TTC3: variants seen among roughly 807,000 people sequenced by gnomAD.
TTC3 encodes the protein tetratricopeptide repeat domain 3.
TTC3 carries 180 observed loss-of-function variants against 249.6 expected under a neutral mutation model. That is an observed-to-expected ratio of 0.72 (90% CI 0.64 to 0.82). The LOEUF (loss-of-function observed/expected upper bound fraction) is 0.82. Among genes scored for constraint, TTC3 ranks in the 40% least tolerant of loss-of-function variants. The pLI, the probability that TTC3 is intolerant of heterozygous loss-of-function variation, is 0.00. For missense variants in TTC3, 2,061 were observed against 2,398.4 expected (o/e 0.86, Z 2.94); for synonymous variants, 717 against 805.0 (o/e 0.89, Z 1.85).
chr21:37,189,373 G>A (rs2083713598), intron 39 of TTC3, among the ~76,000 whole-genome samples: 1 of 151,954 alleles, frequency 6.6e-6, no homozygotes, highest in African/African-American at 2.4e-5. Context: ...AGCCTCCCGA[G>A]TAGCTGGGAT....
intron 21 of TTC3, among the ~76,000 whole-genome samples, chr21:37,146,258 G>A (rs1453036178): frequency 2.6e-5 from 4 of 152,058 alleles, no homozygotes; most frequent in African/African-American, 9.7e-5. Context: ...GCCAGTCTTG[G>A]TGGCTTACGC....
chr21:37,097,313 C>G (rs551194943), intron 10 of TTC3, among the ~76,000 whole-genome samples: 1 of 152,026 alleles, frequency 6.6e-6, no homozygotes, highest in Non-Finnish European at 1.5e-5. Context: ...ATATATTGAG[C>G]ATTAATATTG....
At chr21:37,117,239 A>C (rs930544242) in intron 11 of TTC3, among the ~76,000 whole-genome samples, 1 of 152,138 alleles carries the variant, frequency 6.6e-6, no homozygotes, top group African/African-American at 2.4e-5. Context: ...CCCCAGGTGG[A>C]CTTCTGCATC....
intron 1 of TTC3, chr21:37,084,175 G>GA (rs1228273152): frequency 6.6e-6 from 1 of 152,152 alleles, no homozygotes; most frequent in Non-Finnish European, 1.5e-5. Flanking sequence ...AGAGTGAGAA[G>GA]AAAAGAGAGT....
intron 36 of TTC3, among the ~76,000 whole-genome samples, chr21:37,184,315 A>AT (rs925314185): frequency 1.3e-5 from 2 of 152,032 alleles, no homozygotes; most frequent in Admixed American, 1.3e-4. Context: ...ATGATAAGAA[A>AT]TTTTTTTTCT....
intron 20 of TTC3, among the ~76,000 whole-genome samples, chr21:37,143,248 G>T (rs2147971944): frequency 6.6e-6 from 1 of 152,184 alleles, no homozygotes; most frequent in Admixed American, 6.5e-5. Flanking sequence ...TGACAAATGG[G>T]ATCTAATTAA....
At chr21:37,165,098 G>A (rs2081128777) in intron 32 of TTC3, among the ~76,000 whole-genome samples, 1 of 152,118 alleles carries the variant, frequency 6.6e-6, no homozygotes, top group Non-Finnish European at 1.5e-5. Context: ...ATTTGCTTCA[G>A]GCATCCAAAA....
In TTC3 at chr21:37,121,679, A is replaced by G; in HGVS notation, c.901-138A>G. The G allele has an allele frequency of 7.7e-6, 6 of 782,724 alleles. No individual in the cohort carries two copies. In the Middle Eastern group the frequency reaches 1.2e-3, roughly 158 times the overall value. The allele number at this position is 782,724 out of a possible 1,614,324, so 48.5% of individuals were successfully genotyped here. A position where few individuals can be genotyped will look rare whatever the true frequency, so the allele number is the denominator to read the frequency against. On this transcript the variant is annotated intron_variant, in intron 11 of 45. Transcript: ENST00000355666. Reference sequence around the variant, plus strand: ...ATTTCCTGAGGTATTAACATTTTACATTTATTTTTCATTGGTAGGGACCTA... The same window carrying G: ...ATTTCCTGAGGTATTAACATTTTACGTTTATTTTTCATTGGTAGGGACCTA...
chr21:37,108,541 A>T, intron 11 of TTC3, 95 bp downstream of exon 11: 1 of 1,223,672 alleles, frequency 8.2e-7, no homozygotes, highest in Non-Finnish European at 1.2e-6. Context: ...AAAATGCTAT[A>T]TGAAATTACG....
At chr21:37,164,063 A>G (rs147467332) in exon 32 of TTC3, 1 of 1,601,526 alleles carries the variant, frequency 6.2e-7, no homozygotes, top group Admixed American at 1.8e-5. Flanking sequence ...ATCGAAATTC[A>G]GATTCTGCAG....
rs1454442967 is a variant in TTC3, at chr21:37,164,219, A to G, written c.3335+4A>G. The stretch of plus-strand genomic sequence containing the variant: ...AAAAATGTTCAACTCTATATGAGTA[A>G]GTGGGTTGAAATTTTTACAACCATT... On this transcript the variant is annotated splice_donor_region_variant and intron_variant, in intron 32 of 45. Coordinates refer to ENST00000355666, the Ensembl canonical transcript of TTC3. 5 of 1,566,724 alleles carry G rather than the reference A, an allele frequency of 3.2e-6. No homozygotes were observed. The highest frequency in any genetic ancestry group is 3.5e-6 in the Non-Finnish European group (4 of 1,156,626).
At chr21:37,118,649 T>A (rs1215822957) in intron 11 of TTC3, among the ~76,000 whole-genome samples, 1 of 152,110 alleles carries the variant, frequency 6.6e-6, no homozygotes, top group Admixed American at 6.6e-5. Context: ...AGTCTAGGGG[T>A]TAGCTTCAGG....
rs1228990598 is a variant in TTC3, at chr21:37,175,297, G to T, written c.4617+2553G>T. 9.2e-5 allele frequency among the ~76,000 whole-genome samples: 13 copies of T among 141,816 alleles called. No individual in the cohort carries two copies. The East Asian group carries it at 2.6e-3, about 28-fold the overall frequency. 93.0% of individuals were successfully genotyped at this position (141,816 alleles called of 152,430 possible). Reference sequence around the variant, plus strand: ...AAAAAAAAAAAAAAAGGAATGCTTAGCATATACAGGCCGGGCACGGTGGCT... The same window carrying T: ...AAAAAAAAAAAAAAAGGAATGCTTATCATATACAGGCCGGGCACGGTGGCT... On this transcript the variant is annotated intron_variant, in intron 35 of 45. Coordinates refer to ENST00000355666, the Ensembl canonical transcript of TTC3.
exon 18 of TTC3, chr21:37,135,511 A>G (rs754501104): frequency 6.2e-7 from 1 of 1,611,812 alleles, no homozygotes; most frequent in Non-Finnish European, 8.5e-7. Context: ...CTCAAAAAAT[A>G]AAGGTAAATT....
In TTC3 at chr21:37,154,364, G is replaced by T. The variant is rs76374333; in HGVS notation, c.2740+1087G>T. Among the ~76,000 whole-genome samples the T allele has an allele frequency of 2.1e-4, 32 of 152,306 alleles. 1 individual carries two copies. The highest frequency in any genetic ancestry group is 7.7e-4 in the African/African-American group (32 of 41,574). On this transcript the variant is annotated intron_variant, in intron 27 of 45. Coordinates refer to ENST00000355666, the Ensembl canonical transcript of TTC3. ...CTGGTCAGCTTCTGCCAGAAGAGAC[G>T]ATGTAAGATGGCAGCAAGCCTGGCA...
At chr21:37,202,578 A>G (rs2085594869) in exon 46 of TTC3, 1 of 152,270 alleles carries the variant, frequency 6.6e-6, no homozygotes, top group Non-Finnish European at 1.5e-5. Context: ...ATATTTGTGT[A>G]AAGTATGCAT....
In TTC3 at chr21:37,182,907, G is replaced by C. The variant is rs372160677; in HGVS notation, c.4751G>C (p.Ser1584Thr). Residue 1584 changes from serine (S) to threonine (T), a missense_variant, in exon 36 of 46, where the codon AGT becomes ACT. Around this residue, in one of 3 missense-constraint regions of TTC3, gnomAD observed 1,040 missense variants for 1,186.1 expected, o/e 0.88. Coordinates refer to ENST00000355666, the Ensembl canonical transcript of TTC3. ...AAAATTAAAAAGGTTTCAAATGCCA[G>C]TGAAATGTAAGTAATGATTGAAAGG... The C allele has an allele frequency of 1.3e-5, 20 of 1,565,286 alleles. No homozygotes were observed. In the African/African-American group the frequency reaches 1.8e-4, roughly 14 times the overall value.
intron 37 of TTC3, chr21:37,186,204 C>T (rs1381390616): frequency 2.0e-5 from 3 of 153,232 alleles, no homozygotes; most frequent in South Asian, 2.1e-4. Flanking sequence ...TCCTTTTAAC[C>T]CTTGCTTGCT....
At chr21:37,139,356 C>T (rs1305778920) in intron 19 of TTC3, among the ~76,000 whole-genome samples, 1 of 152,126 alleles carries the variant, frequency 6.6e-6, no homozygotes, top group African/African-American at 2.4e-5. Context: ...ATTAGTCATG[C>T]TCCTGCCTGG....
Sources: gnomAD v4.1 joint callset for allele counts (sites outside exome capture counted in the v4.1 genomes callset) on GRCh38, gnomAD v4.1.1 for gene constraint, gnomAD v4.1.1 regional missense constraint, MANE v1.5 for transcripts, NCBI Gene and HGNC (gene_info 2026-07-23, HGNC 2026-07-21) for gene names.